Variants in TTC17 observed in about 807,000 individuals in gnomAD.
TTC17 encodes the protein tetratricopeptide repeat protein 17.
Under a neutral mutation model 143.8 loss-of-function variants are expected in TTC17, and 58 were observed. That is an observed-to-expected ratio of 0.40 (90% CI 0.33 to 0.50). The LOEUF (loss-of-function observed/expected upper bound fraction) is 0.50. Ranked by LOEUF, TTC17 falls within the 20% of genes least tolerant of loss-of-function variation. The probability of loss-of-function intolerance (pLI) is 0.49; values close to 1 mark genes in which losing one functional copy is unlikely to be tolerated. For synonymous variants in TTC17, 501 were observed against 497.8 expected (o/e 1.01, Z -0.09); for missense variants, 1,273 against 1,392.5 (o/e 0.91, Z 1.37).
At chr11:43,413,047 G>A (rs1822818854) in intron 15 of TTC17, among the ~76,000 whole-genome samples, 1 of 151,432 alleles carries the variant, frequency 6.6e-6, no homozygotes, top group African/African-American at 2.4e-5. Flanking sequence ...CAGGGTGATG[G>A]GGAGGAACAG....
chr11:43,462,765 A>C (rs768726904), intron 21 of TTC17, among the ~76,000 whole-genome samples: 10 of 152,164 alleles, frequency 6.6e-5, no homozygotes, highest in Admixed American at 2.0e-4. Context: ...CATTGACATA[A>C]CTGGCAGAAG....
At chr11:43,359,171 C>G (rs996954981) in intron 1 of TTC17, 58 bp downstream of exon 1, 2 of 1,483,198 alleles carry the variant, frequency 1.3e-6, no homozygotes, top group African/African-American at 1.5e-5. Flanking sequence ...GGGGATTACC[C>G]TGCTTGGCCC....
At position 43,454,564 on chromosome 11, in the gene TTC17, A is replaced by G. The variant is rs77090262; in HGVS notation, c.3030+3299A>G. ...AAATTGTTTAACAAAGCATAGCCAA[A>G]CATTATGCTGTATTCGAGAAATATC... On this transcript the variant is annotated intron_variant, in intron 21 of 23. Coordinates refer to ENST00000039989, the MANE Select transcript of TTC17 (RefSeq NM_018259.6). Among the ~76,000 whole-genome samples the G allele has an allele frequency of 2.2e-3, 336 of 152,246 alleles. 3 individuals carry two copies. Among genetic ancestry groups the G allele is most frequent in the South Asian group, 6.0e-3 (29 of 4,832 alleles).
chr11:43,397,537 C>G, intron 7 of TTC17, 46 bp downstream of exon 7: 3 of 1,215,884 alleles, frequency 2.5e-6, no homozygotes, highest in Middle Eastern at 2.8e-4. Flanking sequence ...TTGCCACTTT[C>G]TTTTTTTTTT....
At chr11:43,368,416 C>T (rs1856434501) in intron 1 of TTC17, among the ~76,000 whole-genome samples, 1 of 152,134 alleles carries the variant, frequency 6.6e-6, no homozygotes, top group Non-Finnish European at 1.5e-5. Flanking sequence ...CTGATCTTCC[C>T]CCATTCACAA....
intron 1 of TTC17, among the ~76,000 whole-genome samples, chr11:43,376,789 A>G (rs1856778245): frequency 6.6e-6 from 1 of 152,230 alleles, no homozygotes; most frequent in African/African-American, 2.4e-5. Context: ...TAACATGTTC[A>G]TGCATTGCTT....
intron 21 of TTC17, among the ~76,000 whole-genome samples, chr11:43,487,502 T>G (rs1298580954): frequency 6.6e-6 from 1 of 152,198 alleles, no homozygotes; most frequent in East Asian, 1.9e-4. Context: ...ACAAATCATT[T>G]AACAAGGAGA....
intron 15 of TTC17, 24 bp from the exon 16 acceptor site, chr11:43,414,566 T>C (rs751372259): frequency 3.2e-6 from 5 of 1,585,172 alleles, no homozygotes; most frequent in Non-Finnish European, 4.3e-6. Flanking sequence ...CATTAACATT[T>C]TGCCGATTTT....
intron 21 of TTC17, among the ~76,000 whole-genome samples, chr11:43,456,975 T>A (rs1947775490): frequency 6.6e-6 from 1 of 152,088 alleles, no homozygotes; most frequent in Admixed American, 6.6e-5. Flanking sequence ...GAGCCAGCCA[T>A]AAGCATATGG....
chr11:43,403,849 CTTAAAAGATCCAATTGCTT>C, intron 10 of TTC17, 130 bp from the exon 11 acceptor site: 1 of 632,778 alleles, frequency 1.6e-6, no homozygotes, highest in South Asian at 2.2e-5. Flanking sequence ...GGGCATAGTT[CTTAAAAGATCCAATTGCTT>C]TATTACTGAG....
chr11:43,484,345 A>G (rs1948342629), intron 21 of TTC17, among the ~76,000 whole-genome samples: 1 of 152,212 alleles, frequency 6.6e-6, no homozygotes, highest in Non-Finnish European at 1.5e-5. Context: ...TAAAAGTGTA[A>G]TTTTTAAAAA....
chr11:43,380,766 G>A (rs948334266), intron 2 of TTC17, among the ~76,000 whole-genome samples: 5 of 152,206 alleles, frequency 3.3e-5, no homozygotes, highest in African/African-American at 1.2e-4. Flanking sequence ...TATATTTAGA[G>A]TGTTTCTAGA....
intron 16 of TTC17, among the ~76,000 whole-genome samples, chr11:43,426,692 A>G (rs1451403132): frequency 2.0e-5 from 3 of 152,158 alleles, no homozygotes; most frequent in Non-Finnish European, 4.4e-5. Flanking sequence ...CCTATGAGGT[A>G]TTACTAGACT....
chr11:43,413,736 C>T (rs1038049569), intron 15 of TTC17, among the ~76,000 whole-genome samples: 1 of 151,292 alleles, frequency 6.6e-6, no homozygotes, highest in Non-Finnish European at 1.5e-5. Flanking sequence ...CATTATTACT[C>T]ATCATGGAAA....
At chr11:43,424,644 C>T (rs892751205) in intron 16 of TTC17, among the ~76,000 whole-genome samples, 1 of 151,924 alleles carries the variant, frequency 6.6e-6, no homozygotes, top group Non-Finnish European at 1.5e-5. Flanking sequence ...GTGGTGCATG[C>T]CTGTAATCCC....
intron 16 of TTC17, among the ~76,000 whole-genome samples, chr11:43,416,634 A>G (rs1946785655): frequency 6.6e-6 from 1 of 152,160 alleles, no homozygotes; most frequent in South Asian, 2.1e-4. Flanking sequence ...ATTGGGTCCA[A>G]TATAATAACA....
rs774344488 is a variant in TTC17, at chr11:43,407,223, ATTTAC to A, written c.1839+13_1839+17del. 6.3e-7 allele frequency: 1 copy of A among 1,584,622 alleles called. No individual in the cohort carries two copies. The highest frequency in any genetic ancestry group is 8.6e-7 in the Non-Finnish European group (1 of 1,165,566). ...TTTCATGCTATTAATAAGGTGAGTCATTTACTTTAGACATCTAAAACTTAAATGCT... is the reference window on the plus strand; with the variant it reads ...TTTCATGCTATTAATAAGGTGAGTCATTTAGACATCTAAAACTTAAATGCT... On this transcript the variant is annotated intron_variant, in intron 14 of 23. Coordinates refer to ENST00000039989, the MANE Select transcript of TTC17 (RefSeq NM_018259.6).
At chr11:43,419,660 G>A (rs1022208744) in intron 16 of TTC17, among the ~76,000 whole-genome samples, 2 of 152,140 alleles carry the variant, frequency 1.3e-5, no homozygotes, top group Non-Finnish European at 2.9e-5. Flanking sequence ...TTTAAAAAAA[G>A]ATATTCTTAT....
chr11:43,461,333 G>A (rs569027201), intron 21 of TTC17, among the ~76,000 whole-genome samples: 2 of 143,236 alleles, frequency 1.4e-5, no homozygotes, highest in Non-Finnish European at 3.0e-5. Flanking sequence ...GCAGTGAGCC[G>A]AGATTGCGCC....
Sources: allele counts gnomAD v4.1 joint callset (sites outside exome capture counted in the v4.1 genomes callset), GRCh38; gene constraint gnomAD v4.1.1; transcripts MANE v1.5; gene names NCBI Gene and HGNC (gene_info 2026-07-23, HGNC 2026-07-21).